The following MALRD1 variants were observed in gnomAD, a reference collection of about 807,000 sequenced individuals.
MALRD1 encodes the protein MAM and LDL-receptor class A domain-containing protein 1.
A neutral mutation model predicts 242.1 loss-of-function variants in MALRD1; 247 were observed. That is an observed-to-expected ratio of 1.02 (90% confidence interval 0.92 to 1.13). The LOEUF is 1.13. MALRD1 is among the 50% of genes most tolerant of loss of function. The probability of loss-of-function intolerance (pLI) is 0.00; values close to 1 mark genes in which losing one functional copy is unlikely to be tolerated. For synonymous variants in MALRD1, 995 were observed against 866.6 expected, an observed-to-expected ratio of 1.15 and a Z score of -2.60; for missense variants, 2,989 against 2,533.1, an observed-to-expected ratio of 1.18 and a Z score of -3.86.
At chr10:19,534,959 C>T (rs948289782) in intron 32 of MALRD1, among the ~76,000 whole-genome samples, 2 of 152,090 alleles carry the variant, frequency 1.3e-5, no homozygotes, top group African/African-American at 4.8e-5. Context: ...GATCTTGGCT[C>T]GCTGCAACCT....
chr10:19,429,292 G>A (rs1040201872), intron 28 of MALRD1, among the ~76,000 whole-genome samples: 13 of 151,192 alleles, frequency 8.6e-5, no homozygotes, highest in African/African-American at 1.2e-4. Context: ...CACTTAGGCC[G>A]GGCGTGGTGG....
At chr10:19,389,726 A>G in intron 28 of MALRD1, 117 bp downstream of exon 28, 1 of 1,127,176 alleles carries the variant, frequency 8.9e-7, no homozygotes, top group South Asian at 1.7e-5. Context: ...TGCAGCCTCC[A>G]ACTCCTGGAC....
chr10:19,231,279 TC>T (rs1838055511), intron 18 of MALRD1, among the ~76,000 whole-genome samples: 1 of 152,178 alleles, frequency 6.6e-6, no homozygotes. Flanking sequence ...ACATCTCAAC[TC>T]CCTTTATCCA....
intron 26 of MALRD1, among the ~76,000 whole-genome samples, chr10:19,369,257 T>C (rs1487684953): frequency 6.8e-6 from 1 of 146,834 alleles, no homozygotes; most frequent in African/African-American, 2.5e-5. Context: ...AATATACACT[T>C]ATGTTGTATA....
At chr10:19,065,513 C>T (rs977837196) in intron 1 of MALRD1, among the ~76,000 whole-genome samples, 2 of 151,970 alleles carry the variant, frequency 1.3e-5, no homozygotes, top group East Asian at 1.9e-4. Context: ...CACTTCATCC[C>T]GACTGGACCA....
chr10:19,151,164 T>G (rs1360366758), intron 11 of MALRD1, among the ~76,000 whole-genome samples: 1 of 152,178 alleles, frequency 6.6e-6, no homozygotes, highest in Non-Finnish European at 1.5e-5. Context: ...AATATTTATT[T>G]GCATTTCACT....
At chr10:19,627,595 C>CA (rs1839709463) in intron 36 of MALRD1, among the ~76,000 whole-genome samples, 3 of 150,802 alleles carry the variant, frequency 2.0e-5, no homozygotes, top group African/African-American at 7.3e-5. Flanking sequence ...AATACAATTA[C>CA]AAAAAAATAC....
intron 21 of MALRD1, among the ~76,000 whole-genome samples, chr10:19,292,100 A>C (rs1457822019): frequency 1.3e-5 from 2 of 151,596 alleles, no homozygotes; most frequent in Non-Finnish European, 2.9e-5. Flanking sequence ...AAAAAAAAAA[A>C]AATCAAATTT....
At chr10:19,181,846 A>G (rs1835519391) in intron 14 of MALRD1, among the ~76,000 whole-genome samples, 1 of 152,184 alleles carries the variant, frequency 6.6e-6, no homozygotes, top group African/African-American at 2.4e-5. Flanking sequence ...TCTTTAATAT[A>G]CATAATAAAA....
At chr10:19,434,514 A>G (rs1355613880) in intron 28 of MALRD1, among the ~76,000 whole-genome samples, 1 of 151,980 alleles carries the variant, frequency 6.6e-6, no homozygotes, top group African/African-American at 2.4e-5. Context: ...TTGCAGTTTA[A>G]AGAATATAAC....
At chr10:19,373,987 C>G (rs1439174573) in intron 26 of MALRD1, among the ~76,000 whole-genome samples, 1 of 152,196 alleles carries the variant, frequency 6.6e-6, no homozygotes, top group African/African-American at 2.4e-5. Context: ...TTCTTTACTG[C>G]TCTCTTAGCA....
chr10:19,433,125 A>G (rs1262320734), intron 28 of MALRD1, among the ~76,000 whole-genome samples: 1 of 152,216 alleles, frequency 6.6e-6, no homozygotes, highest in African/African-American at 2.4e-5. Flanking sequence ...ATCTAATCAA[A>G]GAGACAGATA....
At chr10:19,342,514 G>A (rs1380359894) in intron 24 of MALRD1, among the ~76,000 whole-genome samples, 1 of 152,092 alleles carries the variant, frequency 6.6e-6, no homozygotes, top group Non-Finnish European at 1.5e-5. Flanking sequence ...CATTTCTTGA[G>A]AGTTAGAGAA....
At chr10:19,594,741 C>G (rs1837994272) in intron 33 of MALRD1, among the ~76,000 whole-genome samples, 1 of 152,098 alleles carries the variant, frequency 6.6e-6, no homozygotes, top group South Asian at 2.1e-4. Flanking sequence ...GAATGGAAAA[C>G]TAAATATTGT....
chr10:19,104,671 A>G (rs2131338048), intron 5 of MALRD1, among the ~76,000 whole-genome samples: 1 of 152,238 alleles, frequency 6.6e-6, no homozygotes, highest in African/African-American at 2.4e-5. Flanking sequence ...AGTCATATTG[A>G]AACCCATATA....
intron 29 of MALRD1, among the ~76,000 whole-genome samples, chr10:19,454,266 A>G (rs1835498558): frequency 6.6e-6 from 1 of 151,868 alleles, no homozygotes; most frequent in African/African-American, 2.4e-5. Flanking sequence ...ACAAACAGTG[A>G]CAAGACTTGT....
At chr10:19,123,889 A>T (rs1301718696) in intron 6 of MALRD1, among the ~76,000 whole-genome samples, 1 of 152,132 alleles carries the variant, frequency 6.6e-6, no homozygotes, top group African/African-American at 2.4e-5. Context: ...CATAAAGTAG[A>T]TAAGGTAAAA....
At position 19,607,878 on chromosome 10, in the gene MALRD1, C is replaced by G; in HGVS notation, c.6046C>G (p.Gln2016Glu). 1.3e-6 allele frequency: 2 copies of G among 1,549,700 alleles called. No homozygotes were observed. Among genetic ancestry groups the G allele is most frequent in the Non-Finnish European group, 1.7e-6 (2 of 1,146,474 alleles). ...TGGTTTTGCCGACTGCATGGATTTC[C>G]AGCTTGATGAGTCCAGCTGCTCCGG... is the stretch of plus-strand genomic sequence containing the variant. Reference protein sequence around the residue: ...CDGFADCMDFQLDESSCSECP... With the variant: ...CDGFADCMDFELDESSCSECP... Residue 2016 changes from glutamine (Q) to glutamate (E), a missense_variant, in exon 35 of 40, where the codon CAG becomes GAG. Physicochemically the swap from Gln to Glu is conservative, Grantham distance 29. Transcript: ENST00000454679.
intron 29 of MALRD1, among the ~76,000 whole-genome samples, chr10:19,486,231 C>T (rs537704998): frequency 5.3e-5 from 8 of 152,136 alleles, no homozygotes; most frequent in Non-Finnish European, 1.0e-4. Context: ...AACCAAAAGA[C>T]GTAGTTTCTC....
Sources: allele counts gnomAD v4.1 joint callset (sites outside exome capture counted in the v4.1 genomes callset), GRCh38; gene constraint gnomAD v4.1.1; transcripts MANE v1.5; gene names NCBI Gene and HGNC (gene_info 2026-07-23, HGNC 2026-07-21).